The following HLCS variants were observed in gnomAD, a reference collection of about 807,000 sequenced individuals.
HLCS encodes biotin--protein ligase.
In HLCS, 53 loss-of-function variants were observed where a neutral mutation model predicts 75.0. The observed-to-expected ratio is 0.71, with a 90% CI of 0.57 to 0.89. The LOEUF is 0.89. HLCS is among the 40% of genes least tolerant of loss of function. HLCS has a pLI of 0.00. For missense variants in HLCS, 966 were observed against 1,074.0 expected (o/e 0.90, Z 1.41); for synonymous variants, 431 against 428.6 (o/e 1.01, Z -0.07).
chr21:36,847,706 G>A (rs889063468), intron 6 of HLCS, among the ~76,000 whole-genome samples: 8 of 152,240 alleles, frequency 5.3e-5, no homozygotes, highest in African/African-American at 7.2e-5. Flanking sequence ...TGCCAAAAAC[G>A]TGACTCTATT....
chr21:36,781,602 C>A (rs1233565305), intron 6 of HLCS, among the ~76,000 whole-genome samples: 7 of 152,080 alleles, frequency 4.6e-5, no homozygotes, highest in African/African-American at 2.4e-5. Context: ...TTACTGAATT[C>A]TCTTATTGTT....
intron 5 of HLCS, among the ~76,000 whole-genome samples, chr21:36,898,510 A>G (rs2065107645): frequency 6.6e-6 from 1 of 151,796 alleles, no homozygotes; most frequent in African/African-American, 2.4e-5. Context: ...GGGATAAAAC[A>G]TTTTACAGAA....
intron 5 of HLCS, among the ~76,000 whole-genome samples, chr21:36,903,580 T>G (rs535972985): frequency 6.6e-6 from 1 of 152,102 alleles, no homozygotes; most frequent in Admixed American, 6.5e-5. Context: ...TCAAAGTCAA[T>G]GAAAACCAGG....
chr21:36,907,382 A>G (rs1193084772), intron 5 of HLCS, among the ~76,000 whole-genome samples: 3 of 152,210 alleles, frequency 2.0e-5, no homozygotes, highest in Admixed American at 6.5e-5. Flanking sequence ...CTGGCCAGAC[A>G]TGGTAGCCCA....
chr21:36,888,844 C>T (rs1445187027), intron 6 of HLCS, among the ~76,000 whole-genome samples: 1 of 152,070 alleles, frequency 6.6e-6, no homozygotes. Context: ...ATTTTCCCTA[C>T]TAGATTACGA....
intron 6 of HLCS, among the ~76,000 whole-genome samples, chr21:36,775,655 T>C (rs9978312): frequency 1 from 152,296 of 152,296 alleles, 76,148 homozygotes; most frequent in Non-Finnish European, 1. Context: ...CCACAAGATC[T>C]TCTCACCCCC....
chr21:36,760,953 G>A (rs2089816453), intron 8 of HLCS, among the ~76,000 whole-genome samples: 1 of 152,216 alleles, frequency 6.6e-6, no homozygotes, highest in African/African-American at 2.4e-5. Flanking sequence ...TGCCATGTGT[G>A]GGTAAAGGAA....
intron 6 of HLCS, among the ~76,000 whole-genome samples, chr21:36,832,536 T>C (rs2146055329): frequency 6.6e-6 from 1 of 152,308 alleles, no homozygotes; most frequent in African/African-American, 2.4e-5. Flanking sequence ...ACAGTTCTGT[T>C]CACTTTACAG....
At chr21:36,834,154 C>T (rs987941619) in intron 6 of HLCS, among the ~76,000 whole-genome samples, 6 of 152,240 alleles carry the variant, frequency 3.9e-5, no homozygotes, top group African/African-American at 7.2e-5. Flanking sequence ...TGGAACCAAT[C>T]CCTCACAGAT....
At position 36,937,388 on chromosome 21, in the gene HLCS, C is replaced by T. The variant is rs2066944593; in HGVS notation, c.498G>A (p.Val166=). 1.2e-6 allele frequency: 2 copies of T among 1,612,906 alleles called. No homozygotes were observed. Among genetic ancestry groups the T allele is most frequent in the Admixed American group, 3.3e-5 (2 of 60,008 alleles). ...NGLVPQKIVS[V]HLQDSTLKEV... ...CCTTCAGAGTGGAGTCCTGCAAGTG[C>T]ACCGCTAAGGCATGAATAGGAGAGA... Residue 166 remains valine (V), a synonymous_variant, in exon 4 of 11, where the codon GTG becomes GTA. Coordinates refer to ENST00000674895, the MANE Select transcript of HLCS (RefSeq NM_001352514.2).
intron 6 of HLCS, among the ~76,000 whole-genome samples, chr21:36,770,517 TTAA>T (rs1356128966): frequency 6.6e-6 from 1 of 152,148 alleles, no homozygotes; most frequent in African/African-American, 2.4e-5. Flanking sequence ...AGACAAAATG[TTAA>T]TGATGGCTAT....
In HLCS at chr21:36,782,852, C is replaced by A. The variant is rs928379944; in HGVS notation, c.1893-15567G>T. On this transcript the variant is annotated intron_variant, in intron 6 of 10. Coordinates refer to ENST00000674895, the MANE Select transcript of HLCS (RefSeq NM_001352514.2). ...ACTAAAAATTAGCTGAGCATAGTGG[C>A]AGGCACCTGTAGTCCTAGATACTCA... is the stretch of plus-strand genomic sequence containing the variant. 9.2e-5 allele frequency among the ~76,000 whole-genome samples: 14 copies of A among 151,940 alleles called. No homozygotes were observed. The East Asian group carries it at 2.7e-3, about 29-fold the overall frequency.
chr21:36,931,994 T>C (rs745860589), intron 4 of HLCS, among the ~76,000 whole-genome samples: 19 of 152,128 alleles, frequency 1.2e-4, no homozygotes, highest in Non-Finnish European at 2.2e-4. Flanking sequence ...GTCTACATGG[T>C]CCTGATCTGA....
Position 36,936,771 on chromosome 21 carries a change from A to T in HLCS, c.1115T>A (p.Ile372Asn). Residue 372 changes from isoleucine to asparagine, a missense_variant, in exon 4 of 11, where the codon ATT becomes AAT. Ile to Asn is a moderately radical substitution (Grantham distance 149). Coordinates refer to ENST00000674895, the MANE Select transcript of HLCS (RefSeq NM_001352514.2). ...GAACTTCTGGTACAGGTCTTCGGGA[A>T]TGGACTCCCTGGTAGCAATGACCAA... Reference protein sequence around the residue: ...LLLVIATRESIPEDLYQKFMA... With the variant: ...LLLVIATRESNPEDLYQKFMA... The T allele has an allele frequency of 6.2e-7, 1 of 1,614,206 alleles. No individual in the cohort carries two copies. The highest frequency in any genetic ancestry group is 1.1e-5 in the South Asian group (1 of 91,084).
chr21:36,842,432 T>G lies in HLCS; in HGVS notation c.1892+54428A>C, dbSNP rs1332103761. On this transcript the variant is annotated intron_variant, in intron 6 of 10. Coordinates refer to ENST00000674895, the MANE Select transcript of HLCS (RefSeq NM_001352514.2). This position sits in a 1 kb window ranked among gnomAD's most constrained non-coding sequence, Gnocchi z 4.2. Reference sequence around the variant, plus strand: ...CACTTTTCTGGAGGCATATTATACTTCAATAAAACTTCTAAGAAACTCTCT... The same window carrying G: ...CACTTTTCTGGAGGCATATTATACTGCAATAAAACTTCTAAGAAACTCTCT... Among the ~76,000 whole-genome samples, 1 of 152,072 alleles carries G rather than the reference T, an allele frequency of 6.6e-6. No individual in the cohort carries two copies. The highest frequency in any genetic ancestry group is 1.5e-5 in the Non-Finnish European group (1 of 68,008).
intron 6 of HLCS, among the ~76,000 whole-genome samples, chr21:36,832,833 G>A (rs1448688823): frequency 6.6e-6 from 1 of 152,192 alleles, no homozygotes; most frequent in African/African-American, 2.4e-5. Flanking sequence ...TCCCTCCAAA[G>A]GCAGCCCTCA....
At chr21:36,894,632 A>G (rs909336150) in intron 6 of HLCS, among the ~76,000 whole-genome samples, 21 of 152,344 alleles carry the variant, frequency 1.4e-4, no homozygotes, top group Admixed American at 5.9e-4. Flanking sequence ...ATCCAGTATC[A>G]GCTCTGCACC....
At chr21:36,799,615 C>G (rs969843362) in intron 6 of HLCS, among the ~76,000 whole-genome samples, 11 of 152,266 alleles carry the variant, frequency 7.2e-5, no homozygotes, top group Middle Eastern at 3.4e-3. Flanking sequence ...AGGACACAGA[C>G]ATAGAGAAGG....
At chr21:36,963,442 T>C (rs964029676) in intron 1 of HLCS, among the ~76,000 whole-genome samples, 1 of 152,102 alleles carries the variant, frequency 6.6e-6, no homozygotes, top group African/African-American at 2.4e-5. Context: ...TCAGTAAACA[T>C]AATTATCAAT....
Sources: gnomAD v4.1 joint callset for allele counts (sites outside exome capture counted in the v4.1 genomes callset) on GRCh38, gnomAD v4.1.1 for gene constraint, Gnocchi (gnomAD v3.1) non-coding constraint, MANE v1.5 for transcripts, NCBI Gene and HGNC (gene_info 2026-07-23, HGNC 2026-07-21) for gene names.